Variants in TOGARAM2 observed in about 807,000 individuals in gnomAD.
The protein encoded by TOGARAM2 is TOG array regulator of axonemal microtubules 2.
In TOGARAM2, 85 loss-of-function variants were observed where a neutral mutation model predicts 93.3. The ratio of observed to expected loss-of-function variants is 0.91; its 90% CI spans 0.76 to 1.09. The LOEUF is 1.09. Among genes scored for constraint, TOGARAM2 ranks in the 50% least tolerant of loss-of-function variants. TOGARAM2 has a pLI of 0.00. For missense variants in TOGARAM2, 1,277 were observed against 1,334.5 expected (o/e 0.96, Z 0.67); for synonymous variants, 593 against 552.8 (o/e 1.07, Z -1.02).
chr2:29,039,306 G>A (rs17007486), intron 18 of TOGARAM2, among the ~76,000 whole-genome samples: 3,663 of 152,222 alleles, frequency 0.024, 145 homozygotes, highest in African/African-American at 0.083. Context: ...GGCTGGAGAC[G>A]ACTGTTGAAT....
At chr2:29,049,909 G>A (rs1314421000) in intron 19 of TOGARAM2, 1 of 152,224 alleles carries the variant, frequency 6.6e-6, no homozygotes, top group African/African-American at 2.4e-5. Flanking sequence ...CCAAGAGAGT[G>A]TCAGGCTGAC....
intron 18 of TOGARAM2, among the ~76,000 whole-genome samples, chr2:29,038,348 T>C (rs912339699): frequency 2.0e-5 from 3 of 152,168 alleles, no homozygotes; most frequent in African/African-American, 7.2e-5. Context: ...TCTTCCTCTC[T>C]AATCCATAGG....
rs571463602 is a variant in TOGARAM2, at chr2:29,038,989, T to C, written c.2635+2232T>C. 1.6e-4 allele frequency among the ~76,000 whole-genome samples: 25 copies of C among 152,324 alleles called. No individual in the cohort carries two copies. In the South Asian group the frequency reaches 3.5e-3, roughly 21 times the overall value. ...CTAGGGTAGAATCTGCCTCTGGGAA[T>C]GGTTCTTATCTGCCTGTCATGGTCT... is the stretch of plus-strand genomic sequence containing the variant. On this transcript the variant is annotated intron_variant, in intron 18 of 19. Transcript: ENST00000379558.
intron 1 of TOGARAM2, among the ~76,000 whole-genome samples, chr2:28,961,771 G>A (rs889138965): frequency 6.6e-6 from 1 of 152,198 alleles, no homozygotes; most frequent in Non-Finnish European, 1.5e-5. Context: ...AGATTCCCTT[G>A]TGCAGCTTCC....
chr2:28,965,500 T>A (rs940391937), intron 1 of TOGARAM2, among the ~76,000 whole-genome samples: 1 of 152,212 alleles, frequency 6.6e-6, no homozygotes, highest in African/African-American at 2.4e-5. Context: ...TCCCGTTCCC[T>A]AGTGAGGGCC....
At chr2:29,035,688 G>T in intron 17 of TOGARAM2, 32 bp downstream of exon 17, 1 of 1,357,466 alleles carries the variant, frequency 7.4e-7, no homozygotes, top group Non-Finnish European at 9.6e-7. Flanking sequence ...TCTCCCACCT[G>T]TCTCTCCTCT....
At chr2:28,999,790 G>A (rs1233778944) in intron 4 of TOGARAM2, among the ~76,000 whole-genome samples, 1 of 152,192 alleles carries the variant, frequency 6.6e-6, no homozygotes, top group African/African-American at 2.4e-5. Context: ...AGTAGGTTTT[G>A]GATGTGCTTA....
upstream of TOGARAM2, among the ~76,000 whole-genome samples, chr2:28,977,975 C>T (rs549271598): frequency 4.6e-5 from 7 of 152,166 alleles, no homozygotes; most frequent in East Asian, 3.9e-4. Context: ...GGCACAATCT[C>T]GACTCATTGC....
chr2:29,002,844 C>A, intron 5 of TOGARAM2, 97 bp downstream of exon 5: 1 of 1,130,922 alleles, frequency 8.8e-7, no homozygotes, highest in Non-Finnish European at 1.3e-6. Flanking sequence ...TGACTCCATG[C>A]CCTGAGCATC....
intron 18 of TOGARAM2, among the ~76,000 whole-genome samples, chr2:29,037,794 A>G (rs529406006): frequency 2.0e-5 from 3 of 152,320 alleles, no homozygotes; most frequent in African/African-American, 7.2e-5. Flanking sequence ...TGTAGAACAA[A>G]CAATATAAAT....
In TOGARAM2 at chr2:29,051,899, C is replaced by A; in HGVS notation, c.2866C>A (p.Leu956Met). 2 of 1,584,158 alleles carry A rather than the reference C, an allele frequency of 1.3e-6. No homozygotes were observed. The highest frequency in any genetic ancestry group is 1.7e-6 in the Non-Finnish European group (2 of 1,165,648). The change falls in exon 20 of 20, where the codon CTG becomes ATG. Residue 956 changes from leucine (L) to methionine (M), a missense_variant. Leu to Met is a conservative substitution (Grantham distance 15). Transcript: ENST00000379558. ...SGNIRGVVCR[L>M]SRSLQEHMGS... ...GAACATCCGCGGGGTGGTGTGCCGG[C>A]TGTCCAGGAGCCTCCAGGAGCACAT...
intron 1 of TOGARAM2, among the ~76,000 whole-genome samples, chr2:28,984,809 C>A (rs1672390469): frequency 6.6e-6 from 1 of 152,196 alleles, no homozygotes; most frequent in Non-Finnish European, 1.5e-5. Flanking sequence ...TATCCTACCC[C>A]TCCCAAAACC....
intron 1 of TOGARAM2, among the ~76,000 whole-genome samples, chr2:28,969,058 T>C (rs116621038): frequency 1.1e-4 from 17 of 152,132 alleles, no homozygotes; most frequent in African/African-American, 4.1e-4. Flanking sequence ...ATATTTCTCT[T>C]TGGTCTCACC....
chr2:29,030,767 C>T (rs1274279371), intron 14 of TOGARAM2, among the ~76,000 whole-genome samples: 1 of 152,206 alleles, frequency 6.6e-6, no homozygotes, highest in Non-Finnish European at 1.5e-5. Context: ...CTGGCTTTTA[C>T]TTCTGGTGGC....
Position 28,963,715 on chromosome 2 carries a change from A to G in TOGARAM2, c.-147+7018A>G, listed in dbSNP as rs568839660. Among the ~76,000 whole-genome samples the G allele has an allele frequency of 9.5e-4, 145 of 152,246 alleles. 1 individual carries two copies. In the South Asian group the frequency reaches 0.029, roughly 31 times the overall value. On this transcript the variant is annotated intron_variant, in intron 1 of 6. Coordinates refer to the TOGARAM2 transcript ENST00000401723. ...GAAGGTTTCTTATGTACTTGAAAAG[A>G]ATGTGTACCTGGCCGAATGCGGTGG... is the stretch of plus-strand genomic sequence containing the variant.
intron 1 of TOGARAM2, among the ~76,000 whole-genome samples, chr2:28,958,325 G>C (rs983671389): frequency 1.9e-4 from 29 of 151,206 alleles, no homozygotes; most frequent in Admixed American, 1.8e-3. Flanking sequence ...TTTTCTTTTG[G>C]GACAGGGTCT....
At chr2:29,026,211 A>G (rs1665348181) in intron 13 of TOGARAM2, among the ~76,000 whole-genome samples, 1 of 152,150 alleles carries the variant, frequency 6.6e-6, no homozygotes, top group African/African-American at 2.4e-5. Flanking sequence ...TCACCCCAGT[A>G]CTGTTCTCTG....
rs949546182 is a variant in TOGARAM2, at chr2:28,990,824, G to A, written c.-110-3901G>A. ...TCATGGGTGAGAGCTGGAGGGGGTC[G>A]AAGGCAACATCTAGTTTGAGCCTCT... On this transcript the variant is annotated intron_variant, in intron 1 of 19. Transcript: ENST00000379558. 7.9e-5 allele frequency among the ~76,000 whole-genome samples: 12 copies of A among 152,096 alleles called. No homozygotes were observed. In the South Asian group the frequency reaches 2.1e-3, roughly 26 times the overall value.
chr2:29,015,935 C>T (rs1664541311), intron 8 of TOGARAM2, among the ~76,000 whole-genome samples: 1 of 152,180 alleles, frequency 6.6e-6, no homozygotes, highest in Admixed American at 6.5e-5. Flanking sequence ...CCAGTCCAGA[C>T]ATTAAGTACC....
Sources: allele counts gnomAD v4.1 joint callset (sites outside exome capture counted in the v4.1 genomes callset), GRCh38; gene constraint gnomAD v4.1.1; transcripts MANE v1.5; gene names NCBI Gene and HGNC (gene_info 2026-07-23, HGNC 2026-07-21).